RAB38: variants seen among roughly 807,000 people sequenced by gnomAD.
RAB38 encodes the protein RAB38, member RAS oncogene family, also known as ras-related protein Rab-38.
A neutral mutation model predicts 18.4 loss-of-function variants in RAB38; 15 were observed. The ratio of observed to expected loss-of-function variants is 0.82; its 90% CI spans 0.55 to 1.26. The LOEUF (loss-of-function observed/expected upper bound fraction) is 1.26, where lower values mean the gene tolerates loss of function less well. Among genes scored for constraint, RAB38 ranks in the 50% most tolerant of loss-of-function variants. The pLI is 0.00. For missense variants in RAB38, 294 were observed against 267.4 expected (o/e 1.10, Z -0.69); for synonymous variants, 101 against 104.4 (o/e 0.97, Z 0.20).
chr11:88,078,889 T>C, the RAB38 span, among the ~76,000 whole-genome samples: 2 of 152,010 alleles, frequency 1.3e-5, no homozygotes, highest in African/African-American at 4.8e-5. Context: ...AAAATACTTC[T>C]AGCATAAAGA....
chr11:87,967,249 A>G, the RAB38 span, among the ~76,000 whole-genome samples: 1 of 152,188 alleles, frequency 6.6e-6, no homozygotes, highest in Non-Finnish European at 1.5e-5. Flanking sequence ...AATTATTGTA[A>G]TATTGTTACT....
At chr11:88,119,428 C>T (rs758448627) in intron 2 of RAB38, among the ~76,000 whole-genome samples, 1 of 152,130 alleles carries the variant, frequency 6.6e-6, no homozygotes, top group African/African-American at 2.4e-5. Flanking sequence ...AATTTTGAGA[C>T]ACACTCATAT....
the RAB38 span, among the ~76,000 whole-genome samples, chr11:87,920,215 T>C: frequency 1.3e-5 from 2 of 151,944 alleles, no homozygotes; most frequent in Non-Finnish European, 2.9e-5. Context: ...CTTTTTCTGT[T>C]TCTCTAAGGT....
the RAB38 span, among the ~76,000 whole-genome samples, chr11:87,913,884 T>A: frequency 6.6e-6 from 1 of 152,066 alleles, no homozygotes. Context: ...CTACAGAGAG[T>A]TCCGCCGGCA....
At chr11:88,054,077 G>T in the RAB38 span, among the ~76,000 whole-genome samples, 1 of 152,130 alleles carries the variant, frequency 6.6e-6, no homozygotes, top group Non-Finnish European at 1.5e-5. Flanking sequence ...TGTTATGCCC[G>T]CATCACCTGA....
the RAB38 span, among the ~76,000 whole-genome samples, chr11:88,041,195 G>A: frequency 1.3e-5 from 2 of 152,274 alleles, no homozygotes; most frequent in Non-Finnish European, 1.5e-5. Flanking sequence ...TTATATAAAT[G>A]TTAACTTCAG....
chr11:87,951,511 T>G, the RAB38 span, among the ~76,000 whole-genome samples: 2 of 152,150 alleles, frequency 1.3e-5, no homozygotes, highest in African/African-American at 4.8e-5. Flanking sequence ...TGTTTTTTTT[T>G]TCCCATCTTT....
At chr11:87,893,359 C>A in the RAB38 span, among the ~76,000 whole-genome samples, 10 of 30,322 alleles carry the variant, frequency 3.3e-4, no homozygotes, top group South Asian at 1.2e-3. Flanking sequence ...ATATATATAC[C>A]TATATATTTT....
the RAB38 span, among the ~76,000 whole-genome samples, chr11:88,056,282 C>T: frequency 6.6e-6 from 1 of 152,028 alleles, no homozygotes. Flanking sequence ...CTTCAGGATG[C>T]CTATATGGGA....
At chr11:88,008,324 A>C in the RAB38 span, among the ~76,000 whole-genome samples, 7 of 152,230 alleles carry the variant, frequency 4.6e-5, no homozygotes, top group South Asian at 1.4e-3. Flanking sequence ...AAATCGAGAC[A>C]ATAATGAGTC....
chr11:88,161,461 A>T lies in RAB38; in HGVS notation c.203-11506T>A, dbSNP rs142756412. Among the ~76,000 whole-genome samples, 12 of 152,140 alleles carry T rather than the reference A, an allele frequency of 7.9e-5. No individual in the cohort carries two copies. In the East Asian group the frequency reaches 2.1e-3, roughly 27 times the overall value. The stretch of plus-strand genomic sequence containing the variant: ...GAATTTTAAAATTTCTACACCACTG[A>T]CACTTATTATGCTGTGCATTCATGC... On this transcript the variant is annotated intron_variant, in intron 1 of 2. Transcript: ENST00000243662.
intron 1 of RAB38, among the ~76,000 whole-genome samples, chr11:88,160,484 A>G (rs1393059639): frequency 1.3e-5 from 2 of 152,150 alleles, no homozygotes; most frequent in African/African-American, 4.8e-5. Context: ...ATTCTTTTGT[A>G]TATATCCAAA....
the RAB38 span, among the ~76,000 whole-genome samples, chr11:87,821,850 TAAA>T: frequency 7.6e-6 from 1 of 130,756 alleles, no homozygotes; most frequent in Non-Finnish European, 1.6e-5. Flanking sequence ...CACTCCGTCT[TAAA>T]AAAAAAAAAA....
chr11:87,974,550 T>C, the RAB38 span, among the ~76,000 whole-genome samples: 1 of 151,704 alleles, frequency 6.6e-6, no homozygotes, highest in Non-Finnish European at 1.5e-5. Flanking sequence ...TAGAGAATAA[T>C]TCAGGAGAAA....
chr11:87,940,757 C>T, the RAB38 span, among the ~76,000 whole-genome samples: 1 of 151,900 alleles, frequency 6.6e-6, no homozygotes, highest in East Asian at 1.9e-4. Context: ...GATTATCCTG[C>T]GAGTAGCTGG....
At chr11:87,863,578 C>T in the RAB38 span, among the ~76,000 whole-genome samples, 6 of 150,638 alleles carry the variant, frequency 4.0e-5, no homozygotes, top group African/African-American at 9.8e-5. Context: ...CTCTGTTTGG[C>T]GCATGATAGT....
the RAB38 span, among the ~76,000 whole-genome samples, chr11:88,056,832 A>AATACATAC: frequency 0.012 from 539 of 45,546 alleles, 3 homozygotes; most frequent in African/African-American, 0.023. Flanking sequence ...TAAATAAATA[A>AATACATAC]ATACATACAT....
At chr11:87,884,058 T>G in the RAB38 span, among the ~76,000 whole-genome samples, 1 of 151,962 alleles carries the variant, frequency 6.6e-6, no homozygotes, top group African/African-American at 2.4e-5. Context: ...GAAAAAGGAA[T>G]GCTTTACTCT....
At chr11:88,160,801 A>AT (rs1385375889) in intron 1 of RAB38, among the ~76,000 whole-genome samples, 1 of 152,132 alleles carries the variant, frequency 6.6e-6, no homozygotes, top group Admixed American at 6.6e-5. Context: ...GGACATGAAG[A>AT]TAATGACAAC....
Sources: allele counts gnomAD v4.1 joint callset (sites outside exome capture counted in the v4.1 genomes callset), GRCh38; gene constraint gnomAD v4.1.1; transcripts MANE v1.5; gene names NCBI Gene and HGNC (gene_info 2026-07-23, HGNC 2026-07-21).